The following ATG4A variants were observed in gnomAD, a reference collection of about 807,000 sequenced individuals.
ATG4A encodes cysteine protease ATG4A.
Under a neutral mutation model 38.4 loss-of-function variants are expected in ATG4A, and 22 were observed. The observed-to-expected ratio is 0.57, with a 90% CI of 0.41 to 0.82. The LOEUF is 0.82. Ranked by LOEUF, ATG4A falls within the 40% of genes least tolerant of loss-of-function variation. The pLI, the probability that ATG4A is intolerant of heterozygous loss-of-function variation, is 0.00. For synonymous variants in ATG4A, 86 were observed against 100.7 expected (o/e 0.85, Z 0.88); for missense variants, 220 against 290.0 (o/e 0.76, Z 1.75).
At chrX:108,135,496 C>A (rs1569309492) in intron 6 of ATG4A, among the ~76,000 whole-genome samples, 1 of 111,387 alleles carries the variant, frequency 9.0e-6, no homozygotes, top group Non-Finnish European at 1.9e-5. Flanking sequence ...TTTTTGGGGA[C>A]CCAAGGAAAA....
intron 1 of ATG4A, among the ~76,000 whole-genome samples, chrX:108,121,840 G>A (rs979831151): frequency 1.8e-5 from 2 of 111,770 alleles, no homozygotes; most frequent in African/African-American, 6.5e-5. Context: ...CACATAGTAG[G>A]TATACTCTAT....
chrX:108,136,320 G>A lies in ATG4A; in HGVS notation c.468-771G>A, dbSNP rs750926938. ...TTACCCACACATCCCAGACGTAGCC[G>A]GGTTAAACATGGCCTTACTTAACTG... On this transcript the variant is annotated intron_variant, in intron 6 of 12. Coordinates refer to ENST00000372232, the MANE Select transcript of ATG4A (RefSeq NM_052936.5). 3.6e-5 allele frequency among the ~76,000 whole-genome samples: 4 copies of A among 111,325 alleles called. No individual in the cohort carries two copies. The East Asian group carries it at 1.1e-3, about 31-fold the overall frequency.
At chrX:108,146,598 C>A (rs186636871) in intron 9 of ATG4A, among the ~76,000 whole-genome samples, 27 of 111,865 alleles carry the variant, frequency 2.4e-4, no homozygotes, top group Non-Finnish European at 4.7e-4. Context: ...AGAGCAATTA[C>A]AGTACTCTTC....
At chrX:108,089,994 T>G (rs1971149031), upstream of ATG4A, among the ~76,000 whole-genome samples, 1 of 111,738 alleles carries the variant, frequency 8.9e-6, no homozygotes, top group South Asian at 3.7e-4. Context: ...AACACAAAAA[T>G]AGAGGGAATA....
intron 1 of ATG4A, among the ~76,000 whole-genome samples, chrX:108,109,979 G>T (rs780909367): frequency 9.0e-6 from 1 of 110,813 alleles, no homozygotes; most frequent in South Asian, 3.8e-4. Flanking sequence ...TGAGTTTTAG[G>T]ATGAATTTTC....
intron 6 of ATG4A, 149 bp from the exon 7 acceptor site, chrX:108,136,942 T>C (rs962484290): frequency 5.9e-5 from 21 of 357,889 alleles, no homozygotes; most frequent in Admixed American, 4.6e-4. Context: ...ATCCCAGAGC[T>C]CTGGCAAAGA....
At chrX:108,121,790 G>A (rs184007166) in intron 1 of ATG4A, among the ~76,000 whole-genome samples, 1 of 112,105 alleles carries the variant, frequency 8.9e-6, no homozygotes, top group East Asian at 2.8e-4. Context: ...TTTGGAAGGT[G>A]GAGACTGTAT....
intron 1 of ATG4A, among the ~76,000 whole-genome samples, chrX:108,108,895 TC>T (rs2032272297): frequency 8.9e-6 from 1 of 112,184 alleles, no homozygotes; most frequent in Non-Finnish European, 1.9e-5. Flanking sequence ...ATACATTTTT[TC>T]TTTATCCATT....
intron 1 of ATG4A, among the ~76,000 whole-genome samples, chrX:108,112,973 C>T (rs1340483192): frequency 9.0e-6 from 1 of 110,788 alleles, no homozygotes; most frequent in Non-Finnish European, 1.9e-5. Context: ...GTAAAATTGA[C>T]TCCCCATCTC....
In ATG4A at chrX:108,134,047, T is replaced by G; in HGVS notation, c.293-10T>G. ...AAAATGTTTCTAACCCATTTTTTTT[T>G]CTTAAAAAGACTGGAGCTGGGAGAA... On this transcript the variant is annotated splice_polypyrimidine_tract_variant and intron_variant, in intron 4 of 12. Coordinates refer to ENST00000372232, the MANE Select transcript of ATG4A (RefSeq NM_052936.5). 2 of 1,178,115 alleles carry G rather than the reference T, an allele frequency of 1.7e-6. No individual in the cohort carries two copies. The highest frequency in any genetic ancestry group is 2.3e-6 in the Non-Finnish European group (2 of 879,494).
chrX:108,100,761 A>G (rs752580879), intron 1 of ATG4A, among the ~76,000 whole-genome samples: 6 of 112,038 alleles, frequency 5.4e-5, no homozygotes, highest in Non-Finnish European at 9.4e-5. Context: ...GATAAAACAC[A>G]TTTGGATGCG....
chrX:108,137,427 C>T (rs878909093), intron 7 of ATG4A, among the ~76,000 whole-genome samples: 1 of 112,631 alleles, frequency 8.9e-6, no homozygotes, highest in Admixed American at 9.3e-5. Context: ...ATAATTTATT[C>T]AACCACCAAC....
intron 1 of ATG4A, among the ~76,000 whole-genome samples, chrX:108,111,552 G>C (rs7880351): frequency 0.5 from 55,448 of 110,372 alleles, 10,908 homozygotes; most frequent in African/African-American, 0.69. Context: ...TCAAGAAAGG[G>C]AGCACCAGGC....
At chrX:108,092,726 T>C (rs2031671610) in intron 1 of ATG4A, among the ~76,000 whole-genome samples, 1 of 112,350 alleles carries the variant, frequency 8.9e-6, no homozygotes, top group Non-Finnish European at 1.9e-5. Flanking sequence ...AGTACTTTTT[T>C]TGTAATACAG....
chrX:108,131,610 A>C (rs1602654680), intron 4 of ATG4A, among the ~76,000 whole-genome samples: 1 of 112,132 alleles, frequency 8.9e-6, no homozygotes, highest in South Asian at 3.8e-4. Context: ...ACATCGAGGG[A>C]GGTATGTCAT....
At chrX:108,104,109 A>G (rs940850623) in intron 1 of ATG4A, among the ~76,000 whole-genome samples, 4 of 112,574 alleles carry the variant, frequency 3.6e-5, no homozygotes, top group Non-Finnish European at 7.5e-5. Flanking sequence ...TGCTGGGATT[A>G]CAGGCATGAG....
chrX:108,091,527 G>A (rs773481043), upstream of ATG4A: 3 of 1,204,819 alleles, frequency 2.5e-6, no homozygotes, highest in Admixed American at 2.2e-5. Context: ...CCATTTCGCT[G>A]TCCCAGCAAC....
At chrX:108,126,710 T>C (rs2032807367) in intron 2 of ATG4A, 1 of 955,727 alleles carries the variant, frequency 1.0e-6, no homozygotes, top group South Asian at 2.1e-5. Flanking sequence ...CAGTTTATTC[T>C]GATTTTGTAT....
chrX:108,152,876 C>G, intron 11 of ATG4A, 103 bp from the exon 12 acceptor site: 1 of 570,275 alleles, frequency 1.8e-6, no homozygotes, highest in Non-Finnish European at 2.9e-6. Flanking sequence ...CCTGTTTTCA[C>G]CTGGAAACCA....
Sources: gnomAD v4.1 joint callset for allele counts (sites outside exome capture counted in the v4.1 genomes callset) on GRCh38, gnomAD v4.1.1 for gene constraint, MANE v1.5 for transcripts, NCBI Gene and HGNC (gene_info 2026-07-23, HGNC 2026-07-21) for gene names.